Variants in RAD18 observed in about 807,000 individuals in gnomAD.
RAD18 encodes the protein RAD18 E3 ubiquitin protein ligase, also known as E3 ubiquitin-protein ligase RAD18.
A neutral mutation model predicts 60.4 loss-of-function variants in RAD18; 47 were observed. That is an observed-to-expected ratio of 0.78 (90% CI 0.62 to 0.99). RAD18 has a LOEUF of 0.99. Among genes scored for constraint, RAD18 ranks in the 50% least tolerant of loss-of-function variants. The pLI, the probability that RAD18 is intolerant of heterozygous loss-of-function variation, is 0.00. For missense variants in RAD18, 640 were observed against 593.3 expected, an observed-to-expected ratio of 1.08 and a Z score of -0.82; for synonymous variants, 225 against 195.5, an observed-to-expected ratio of 1.15 and a Z score of -1.26.
chr3:8,937,923 C>T (rs341771), intron 6 of RAD18, among the ~76,000 whole-genome samples: 112,958 of 151,960 alleles, frequency 0.74, 42,822 homozygotes, highest in South Asian at 0.88. Context: ...AGTATGTCTT[C>T]AAACAAACTG....
rs934928209 is a variant in RAD18, at chr3:8,880,276, G to A, written c.*1081C>T. 2 of 152,182 alleles carry A rather than the reference G, an allele frequency of 1.3e-5. No homozygotes were observed. Among genetic ancestry groups the A allele is most frequent in the African/African-American group, 4.8e-5 (2 of 41,436 alleles). The allele number at this position is 152,182 out of a possible 1,614,324, so 9.4% of individuals were successfully genotyped here. A position where few individuals can be genotyped will look rare whatever the true frequency, so the allele number is the denominator to read the frequency against. ...TCAACGGAGACAGTCTTTGGAAGGG[G>A]AGGTCATAAATGTTGAATCTGGCAA... is the stretch of plus-strand genomic sequence containing the variant. On this transcript the variant is annotated 3_prime_UTR_variant, in exon 13 of 13. Coordinates refer to ENST00000264926, the MANE Select transcript of RAD18 (RefSeq NM_020165.4).
At chr3:8,948,268 T>A (rs1483317979) in intron 3 of RAD18, among the ~76,000 whole-genome samples, 1 of 152,218 alleles carries the variant, frequency 6.6e-6, no homozygotes, top group Non-Finnish European at 1.5e-5. Context: ...ACATGGGTCA[T>A]AAGAATTAAA....
intron 2 of RAD18, 111 bp from the exon 3 acceptor site, chr3:8,948,681 T>C (rs1940877689): frequency 4.7e-6 from 4 of 849,150 alleles, no homozygotes; most frequent in African/African-American, 1.7e-5. Context: ...CTAAGGTATA[T>C]CATCATAAGC....
At chr3:8,941,827 A>T in intron 4 of RAD18, 23 bp from the exon 5 acceptor site, 2 of 1,546,382 alleles carry the variant, frequency 1.3e-6, no homozygotes. Flanking sequence ...AGAACACAAC[A>T]GACAATTAAG....
rs1348480611 is a variant in RAD18, at chr3:8,924,536, T to A, written c.890-10816A>T. Reference sequence around the variant, plus strand: ...AAAGTTAACAAGGATATCCAGGAATTGAACTCAGCTCTGCACCAAGCAGAC... The same window carrying A: ...AAAGTTAACAAGGATATCCAGGAATAGAACTCAGCTCTGCACCAAGCAGAC... On this transcript the variant is annotated intron_variant, in intron 7 of 12. Transcript: ENST00000264926. Among the ~76,000 whole-genome samples the A allele has an allele frequency of 2.8e-5, 4 of 141,156 alleles. No homozygotes were observed. In the East Asian group the frequency reaches 7.9e-4, roughly 28 times the overall value. 92.6% of individuals were successfully genotyped at this position (141,156 alleles called of 152,430 possible).
intron 4 of RAD18, among the ~76,000 whole-genome samples, chr3:8,942,640 G>C (rs1373345757): frequency 6.6e-6 from 1 of 152,138 alleles, no homozygotes; most frequent in Non-Finnish European, 1.5e-5. Flanking sequence ...TCTAGGAATG[G>C]GTACTAAAGT....
intron 5 of RAD18, among the ~76,000 whole-genome samples, chr3:8,940,410 T>C (rs1256735211): frequency 6.6e-6 from 1 of 152,140 alleles, no homozygotes; most frequent in African/African-American, 2.4e-5. Context: ...GAACTGTCAA[T>C]TGGTAAAAAG....
chr3:8,894,708 T>C (rs1363651235), intron 11 of RAD18, among the ~76,000 whole-genome samples: 1 of 151,646 alleles, frequency 6.6e-6, no homozygotes, highest in African/African-American at 2.4e-5. Context: ...AAACAAATGT[T>C]CCATTCATCC....
chr3:8,916,514 T>A (rs2125056677), intron 7 of RAD18, among the ~76,000 whole-genome samples: 1 of 152,272 alleles, frequency 6.6e-6, no homozygotes, highest in Non-Finnish European at 1.5e-5. Context: ...TTACCTACAC[T>A]GTCTGGCTTT....
In RAD18 at chr3:8,881,435, T is replaced by C. The variant is rs150991424; in HGVS notation, c.1410A>G (p.Ile470Met). The C allele has an allele frequency of 7.8e-5, 125 of 1,611,314 alleles. No individual in the cohort carries two copies. Among genetic ancestry groups the C allele is most frequent in the Non-Finnish European group, 1.0e-4 (118 of 1,177,602 alleles). Residue 470 changes from isoleucine (I) to methionine (M), a missense_variant, in exon 13 of 13, where the codon ATA becomes ATG. Coordinates refer to ENST00000264926, the MANE Select transcript of RAD18 (RefSeq NM_020165.4). ...SHKNDLQDTE[I>M]SPRQNRRTRA... ...TTGTGCGGCGATTCTGTCTTGGACT[T>C]ATTTCTGTGTCTTGAAGATCGTTTC...
At chr3:8,891,400 C>T (rs940916977) in intron 11 of RAD18, among the ~76,000 whole-genome samples, 3 of 152,084 alleles carry the variant, frequency 2.0e-5, no homozygotes, top group Admixed American at 2.0e-4. Context: ...CCAAGCCTGT[C>T]AACTAACCTA....
chr3:8,946,021 G>A (rs74942746), intron 4 of RAD18, among the ~76,000 whole-genome samples: 13,217 of 151,372 alleles, frequency 0.087, 632 homozygotes, highest in South Asian at 0.15. Context: ...TGTAGTCTAA[G>A]TGTACAGTGT....
At chr3:8,906,032 T>G (rs955944323) in intron 9 of RAD18, among the ~76,000 whole-genome samples, 1 of 149,476 alleles carries the variant, frequency 6.7e-6, no homozygotes, top group Non-Finnish European at 1.5e-5. Flanking sequence ...ATCATGAAGC[T>G]GTGAACAGAG....
At chr3:8,883,188 G>A (rs1006144531) in intron 12 of RAD18, among the ~76,000 whole-genome samples, 1 of 152,178 alleles carries the variant, frequency 6.6e-6, no homozygotes, top group African/African-American at 2.4e-5. Flanking sequence ...ATACCTGGAA[G>A]AAAGGAGAGA....
chr3:8,896,979 G>A (rs1939797744), intron 11 of RAD18, among the ~76,000 whole-genome samples: 2 of 152,084 alleles, frequency 1.3e-5, no homozygotes, highest in African/African-American at 4.8e-5. Flanking sequence ...CATTAGGTTA[G>A]TTCCAAATAT....
intron 7 of RAD18, among the ~76,000 whole-genome samples, chr3:8,917,661 T>C (rs552138850): frequency 6.7e-6 from 1 of 149,812 alleles, no homozygotes; most frequent in Non-Finnish European, 1.5e-5. Context: ...AAGACAATAA[T>C]AGAAATAAAA....
At chr3:8,928,049 TA>T (rs58756851) in intron 7 of RAD18, among the ~76,000 whole-genome samples, 10,293 of 121,628 alleles carry the variant, frequency 0.085, 385 homozygotes, top group African/African-American at 0.12. Context: ...CCCTAAAACT[TA>T]AAAAAAAAAA....
At chr3:8,890,289 A>C in intron 12 of RAD18, 100 bp downstream of exon 12, 4 of 961,862 alleles carry the variant, frequency 4.2e-6, no homozygotes, top group Non-Finnish European at 6.5e-6. Flanking sequence ...ACTTCTTTAA[A>C]CCAGAAAGCA....
chr3:8,897,207 C>T (rs1366316657), intron 11 of RAD18, among the ~76,000 whole-genome samples: 1 of 152,096 alleles, frequency 6.6e-6, no homozygotes, highest in African/African-American at 2.4e-5. Context: ...AATAAGGATG[C>T]TTCATTCTGT....
Sources: allele counts gnomAD v4.1 joint callset (sites outside exome capture counted in the v4.1 genomes callset), GRCh38; gene constraint gnomAD v4.1.1; transcripts MANE v1.5; gene names NCBI Gene and HGNC (gene_info 2026-07-23, HGNC 2026-07-21).